MTCL1: variants seen among roughly 807,000 people sequenced by gnomAD.
The protein encoded by MTCL1 is microtubule crosslinking factor 1.
MTCL1 carries 79 observed loss-of-function variants against 141.4 expected under a neutral mutation model. That is an observed-to-expected ratio of 0.56 (90% confidence interval 0.47 to 0.67). The LOEUF (loss-of-function observed/expected upper bound fraction) is 0.67. Among genes scored for constraint, MTCL1 ranks in the 30% least tolerant of loss-of-function variants. The pLI, the probability that MTCL1 is intolerant of heterozygous loss-of-function variation, is 0.00. For missense variants in MTCL1, 2,177 were observed against 2,113.9 expected (o/e 1.03, Z -0.59); for synonymous variants, 914 against 875.8 (o/e 1.04, Z -0.77).
chr18:8,722,996 A>T (rs950298714), intron 4 of MTCL1, among the ~76,000 whole-genome samples: 1 of 152,210 alleles, frequency 6.6e-6, no homozygotes, highest in African/African-American at 2.4e-5. Context: ...AGAGAACCTG[A>T]TGCTGGCTCA....
rs145141977 is a variant in MTCL1 at position 8,785,589 on chromosome 18, C to T, written c.1732-347C>T. On this transcript the variant is annotated intron_variant, in intron 6 of 16. Transcript: ENST00000359865. ...AGAGCCTCGTTTTCCGTTTCCTTCA[C>T]GGGTAGCGTGCTTGCGGTTGAGTTC... 6.1e-3 allele frequency: 1,643 copies of T among 268,160 alleles called. 12 individuals carry two copies. The highest frequency in any genetic ancestry group is 0.015 in the Middle Eastern group (11 of 752). The allele number at this position is 268,160 out of a possible 1,614,324, so 16.6% of individuals were successfully genotyped here. A position where few individuals can be genotyped will look rare whatever the true frequency, so the allele number is the denominator to read the frequency against.
At position 8,822,943 on chromosome 18, in the gene MTCL1, G is replaced by A. The variant is rs1030553999; in HGVS notation, c.3188+1445G>A. Among the ~76,000 whole-genome samples, 14 of 151,638 alleles carry A rather than the reference G, an allele frequency of 9.2e-5. No individual in the cohort carries two copies. The highest frequency in any genetic ancestry group is 2.7e-4 in the African/African-American group (11 of 41,242). ...ATTGGCTGAGGCAGGAAAATTGACC[G>A]AACCCGGGAGGCGGAGGTTGCAGTG... On this transcript the variant is annotated intron_variant, in intron 14 of 16. Transcript: ENST00000359865. This position sits in a 1 kb window ranked among gnomAD's most constrained non-coding sequence, Gnocchi z 4.6.
At chr18:8,805,395 A>G (rs1458161758) in intron 10 of MTCL1, among the ~76,000 whole-genome samples, 1 of 152,236 alleles carries the variant, frequency 6.6e-6, no homozygotes, top group Admixed American at 6.5e-5. Context: ...TGCTTAGGAT[A>G]ATGGCCTCCA....
exon 17 of MTCL1, chr18:8,831,973 A>C (rs1598848320): frequency 2.6e-6 from 2 of 772,446 alleles, no homozygotes; most frequent in East Asian, 2.7e-5. Flanking sequence ...AGATGTTTCT[A>C]GAATGAAACA....
chr18:8,809,729 C>A, intron 11 of MTCL1: 1 of 1,037,464 alleles, frequency 9.6e-7, no homozygotes, highest in Non-Finnish European at 1.4e-6. Context: ...AGTACGGGTG[C>A]CTGGGCGATG....
At chr18:8,714,073 TG>T (rs2096111459), upstream of MTCL1, among the ~76,000 whole-genome samples, 1 of 152,274 alleles carries the variant, frequency 6.6e-6, no homozygotes. Context: ...CTGCTTTTTT[TG>T]TTTTACACTG....
chr18:8,798,236 T>G, exon 10 of MTCL1: 1 of 1,588,970 alleles, frequency 6.3e-7, no homozygotes, highest in Non-Finnish European at 8.6e-7. Flanking sequence ...CGGGTGCAGA[T>G]TGGAGATCAC....
Position 8,822,692 on chromosome 18 carries a change from C to CT in MTCL1, c.3188+1204dup, listed in dbSNP as rs201863647. ...TGTATACAGGACGTATTTTGATTAT[C>CT]TTTTTTTTTTGCAGCTTATGTATGT... On this transcript the variant is annotated intron_variant, in intron 14 of 16. Coordinates refer to ENST00000359865, the Ensembl canonical transcript of MTCL1. This position sits in a 1 kb window ranked among gnomAD's most constrained non-coding sequence, Gnocchi z 4.6. Among the ~76,000 whole-genome samples, 84 of 149,352 alleles carry CT rather than the reference C, an allele frequency of 5.6e-4. No individual in the cohort carries two copies. The highest frequency in any genetic ancestry group is 3.4e-3 in the Middle Eastern group (1 of 292).
intron 12 of MTCL1, among the ~76,000 whole-genome samples, chr18:8,817,217 C>T (rs866436572): frequency 2.7e-5 from 4 of 149,012 alleles, no homozygotes; most frequent in Non-Finnish European, 4.4e-5. Context: ...TAAATTGTGC[C>T]GACATGCATT....
chr18:8,750,246 A>G (rs1490041709), intron 4 of MTCL1, among the ~76,000 whole-genome samples: 1 of 151,896 alleles, frequency 6.6e-6, no homozygotes, highest in Non-Finnish European at 1.5e-5. Flanking sequence ...GGGTTTCACC[A>G]TGTTGGCCAG....
intron 3 of MTCL1, 74 bp from the exon 3 acceptor site, chr18:8,720,264 T>C: frequency 1.4e-6 from 2 of 1,460,482 alleles, no homozygotes; most frequent in South Asian, 2.5e-5. Context: ...ATTTTGCCTC[T>C]GATGTTGTCT....
rs147180038 is a variant in MTCL1 at position 8,825,065 on chromosome 18, C to T, written c.3555C>T (p.Thr1185=). 31 of 1,612,580 alleles carry T rather than the reference C, an allele frequency of 1.9e-5. No individual in the cohort carries two copies. The African/African-American group carries it at 2.8e-4, about 15-fold the overall frequency. ...AGCCACTGCGGAGCCACGTCCTCAC[C>T]GAGCAGTCGGGGTTGCGCGTGTTAC... is the stretch of plus-strand genomic sequence containing the variant. Residue 1185 remains threonine, a synonymous_variant, in exon 15 of 17, where the codon ACC becomes ACT. Coordinates refer to ENST00000359865, the Ensembl canonical transcript of MTCL1.
At chr18:8,721,524 C>T (rs578200403) in intron 4 of MTCL1, among the ~76,000 whole-genome samples, 36 of 152,312 alleles carry the variant, frequency 2.4e-4, no homozygotes, top group Non-Finnish European at 4.6e-4. Context: ...ACAGCTGCCT[C>T]GGCCTCCCTG....
At chr18:8,800,251 G>A (rs1224498327) in intron 10 of MTCL1, among the ~76,000 whole-genome samples, 1 of 152,332 alleles carries the variant, frequency 6.6e-6, no homozygotes. Context: ...GCACAGAGCC[G>A]GGCCGTTCCC....
chr18:8,756,747 A>C (rs566740845), intron 4 of MTCL1, among the ~76,000 whole-genome samples: 1 of 152,198 alleles, frequency 6.6e-6, no homozygotes, highest in African/African-American at 2.4e-5. Flanking sequence ...AGTTCTGAGC[A>C]TCTGGGATGT....
Position 8,731,021 on chromosome 18 carries a change from G to A in MTCL1, c.357+10525G>A, listed in dbSNP as rs550587181. ...GCACTTTGGGGAGGCCGAGGTGGGC[G>A]GATCACGAGGTCAGGAGATCAAGAC... On this transcript the variant is annotated intron_variant, in intron 4 of 16. Coordinates refer to ENST00000359865, the Ensembl canonical transcript of MTCL1. 2.8e-4 allele frequency among the ~76,000 whole-genome samples: 42 copies of A among 151,912 alleles called. 1 individual carries two copies. The highest frequency in any genetic ancestry group is 9.4e-4 in the African/African-American group (39 of 41,430).
chr18:8,724,967 CTT>C (rs11336536), intron 4 of MTCL1, among the ~76,000 whole-genome samples: 43,992 of 145,826 alleles, frequency 0.3, 6,972 homozygotes, highest in Admixed American at 0.46. Context: ...CAATTTTCAT[CTT>C]TTTTTTTTTT....
intron 4 of MTCL1, among the ~76,000 whole-genome samples, chr18:8,726,530 AGTGCGCATGC>A (rs1555629275): frequency 0.1 from 11,441 of 111,428 alleles, 703 homozygotes; most frequent in East Asian, 0.13. Context: ...AGAGAGAGCG[AGTGCGCATGC>A]GCGCGCGCAA....
intron 16 of MTCL1, chr18:8,829,023 A>C (rs1336129050): frequency 5.2e-5 from 84 of 1,613,084 alleles, no homozygotes; most frequent in Middle Eastern, 1.7e-4. Flanking sequence ...TGTAACTCGC[A>C]GTTGGCACCT....
Sources: gnomAD v4.1 joint callset for allele counts (sites outside exome capture counted in the v4.1 genomes callset) on GRCh38, gnomAD v4.1.1 for gene constraint, Gnocchi (gnomAD v3.1) non-coding constraint, MANE v1.5 for transcripts, NCBI Gene and HGNC (gene_info 2026-07-23, HGNC 2026-07-21) for gene names.